The following C7 variants were observed in gnomAD, a reference collection of about 807,000 sequenced individuals.
C7 encodes complement C7.
A neutral mutation model predicts 104.8 loss-of-function variants in C7; 83 were observed. The ratio of observed to expected loss-of-function variants is 0.79; its 90% CI spans 0.66 to 0.95. The LOEUF (loss-of-function observed/expected upper bound fraction) is 0.95, where lower values mean the gene tolerates loss of function less well. Ranked by LOEUF, C7 falls within the 40% of genes least tolerant of loss-of-function variation. The pLI, the probability that C7 is intolerant of heterozygous loss-of-function variation, is 0.00. For missense variants in C7, 1,070 were observed against 1,011.2 expected (o/e 1.06, Z -0.79); for synonymous variants, 415 against 360.6 (o/e 1.15, Z -1.71).
intron 1 of C7, among the ~76,000 whole-genome samples, chr5:40,918,311 G>T (rs2111616376): frequency 6.6e-6 from 1 of 151,152 alleles, no homozygotes; most frequent in Admixed American, 6.6e-5. Flanking sequence ...AGTGAGCTGT[G>T]ATCACACTAC....
intron 7 of C7, among the ~76,000 whole-genome samples, chr5:40,946,343 A>C (rs60477055): frequency 0.022 from 3,278 of 152,302 alleles, 109 homozygotes; most frequent in African/African-American, 0.075. Context: ...TATTATTCAC[A>C]ATCTGCACAT....
At chr5:40,928,166 C>CA (rs1406233368) in intron 1 of C7, among the ~76,000 whole-genome samples, 12 of 152,220 alleles carry the variant, frequency 7.9e-5, no homozygotes, top group African/African-American at 2.9e-4. Context: ...CACAGGAAGA[C>CA]AAATAGCACG....
At chr5:40,950,854 G>A (rs1386882321) in intron 9 of C7, among the ~76,000 whole-genome samples, 4 of 152,120 alleles carry the variant, frequency 2.6e-5, no homozygotes, top group Admixed American at 6.6e-5. Context: ...GGAGATGGGG[G>A]GAAGGTGGTA....
At chr5:40,934,559 A>G in intron 4 of C7, 93 bp downstream of exon 4, 1 of 1,275,096 alleles carries the variant, frequency 7.8e-7, no homozygotes, top group Non-Finnish European at 1.1e-6. Flanking sequence ...ATTTTACTGA[A>G]TTTATATTGG....
chr5:40,968,600 A>AT lies in C7; in HGVS notation c.1882+3756dup, dbSNP rs70988826. Among the ~76,000 whole-genome samples, 52 of 25,476 alleles carry AT rather than the reference A, an allele frequency of 2.0e-3. 1 individual carries two copies. The highest frequency in any genetic ancestry group is 2.4e-3 in the African/African-American group (14 of 5,734). The allele number at this position is 25,476 out of a possible 152,430, so 16.7% of individuals were successfully genotyped here. On this transcript the variant is annotated intron_variant, in intron 14 of 17. Coordinates refer to ENST00000313164, the MANE Select transcript of C7 (RefSeq NM_000587.4). ...TATATATATATATATATATATATAT[A>AT]TTTTTTTTTTTTTTTTTTTTTTTTT...
At chr5:40,959,128 C>A (rs962140058) in intron 11 of C7, among the ~76,000 whole-genome samples, 2 of 152,166 alleles carry the variant, frequency 1.3e-5, no homozygotes, top group Admixed American at 6.5e-5. Flanking sequence ...AGAATGGTAA[C>A]ATTTCCTGCC....
chr5:40,958,489 C>T (rs1320068234), intron 11 of C7, among the ~76,000 whole-genome samples: 1 of 152,186 alleles, frequency 6.6e-6, no homozygotes, highest in Non-Finnish European at 1.5e-5. Flanking sequence ...CCCTCCACTT[C>T]CCATTCTCTA....
chr5:40,960,027 G>A (rs901615930), intron 12 of C7, among the ~76,000 whole-genome samples: 1 of 152,148 alleles, frequency 6.6e-6, no homozygotes, highest in African/African-American at 2.4e-5. Flanking sequence ...TGATTACTAA[G>A]CATTCATTAA....
rs180944829 is a variant in C7, at chr5:40,965,000, C to G, written c.1882+127C>G. Reference sequence around the variant, plus strand: ...CCTTTCCTGTAAGGCTGACATGATCCTGTTCAAGTTTTAGGAGCGACTTGA... The same window carrying G: ...CCTTTCCTGTAAGGCTGACATGATCGTGTTCAAGTTTTAGGAGCGACTTGA... On this transcript the variant is annotated intron_variant, in intron 14 of 17. Transcript: ENST00000313164. 448 of 1,102,152 alleles carry G rather than the reference C, an allele frequency of 4.1e-4. 1 individual carries two copies. The highest frequency in any genetic ancestry group is 5.4e-4 in the Non-Finnish European group (402 of 748,336). The allele number at this position is 1,102,152 out of a possible 1,614,324, so 68.3% of individuals were successfully genotyped here. A position where few individuals can be genotyped will look rare whatever the true frequency, so the allele number is the denominator to read the frequency against.
At position 40,936,320 on chromosome 5, in the gene C7, G is replaced by T. The variant is rs1739813413; in HGVS notation, c.281-18G>T. ...CTTCCCTCTTTTACATTTGCACGTG[G>T]ATTTCTCTGGTGTTCAGGTCAGTGC... On this transcript the variant is annotated intron_variant, in intron 4 of 17. Transcript: ENST00000313164. 1.9e-6 allele frequency: 3 copies of T among 1,612,404 alleles called. No homozygotes were observed. The South Asian group carries it at 3.3e-5, about 18-fold the overall frequency.
intron 1 of C7, among the ~76,000 whole-genome samples, chr5:40,916,127 A>G (rs1005573576): frequency 2.6e-5 from 4 of 152,230 alleles, no homozygotes; most frequent in East Asian, 1.9e-4. Flanking sequence ...AGGAAAATAT[A>G]TAATAGAAAC....
At chr5:40,945,872 ATACATATATATATATAT>A (rs1282312870) in intron 7 of C7, among the ~76,000 whole-genome samples, 3 of 59,424 alleles carry the variant, frequency 5.0e-5, no homozygotes, top group Admixed American at 2.3e-4. Flanking sequence ...TCAAAAAAAA[ATACATATATATATATAT>A]ATATATATAT....
chr5:40,949,526 G>GC (rs1740121134), intron 8 of C7, among the ~76,000 whole-genome samples: 1 of 152,136 alleles, frequency 6.6e-6, no homozygotes, highest in South Asian at 2.1e-4. Flanking sequence ...GGAAACAGAA[G>GC]CCAGCTTTGG....
chr5:40,984,604 G>T lies in C7; in HGVS notation c.*3031G>T, dbSNP rs577973147. On this transcript the variant is annotated 3_prime_UTR_variant, in exon 18 of 18. Transcript: ENST00000313164. ...CCAATTAGTAATCACTTTTTCTTTC[G>T]GTCAAGGTATGTGTATTAATCAATA... Among the ~76,000 whole-genome samples the T allele has an allele frequency of 6.6e-6, 1 of 152,018 alleles. No individual in the cohort carries two copies. Among genetic ancestry groups the T allele is most frequent in the Non-Finnish European group, 1.5e-5 (1 of 68,010 alleles).
chr5:40,971,966 A>AAAAT (rs1167617015), intron 14 of C7: 2 of 421,608 alleles, frequency 4.7e-6, no homozygotes, highest in Middle Eastern at 4.1e-4. Context: ...CTAAAAAATA[A>AAAAT]AAATAAATAA....
At chr5:40,919,234 C>T (rs1211993272) in intron 1 of C7, among the ~76,000 whole-genome samples, 1 of 151,860 alleles carries the variant, frequency 6.6e-6, no homozygotes, top group East Asian at 1.9e-4. Context: ...AGTGATTCTC[C>T]CACCTCATCC....
At chr5:40,978,682 T>A (rs1454051200) in intron 16 of C7, among the ~76,000 whole-genome samples, 1 of 152,154 alleles carries the variant, frequency 6.6e-6, no homozygotes, top group Non-Finnish European at 1.5e-5. Context: ...AGTGTGTGAA[T>A]ATAGACTCTT....
chr5:40,970,949 T>C (rs1561258698), intron 14 of C7, among the ~76,000 whole-genome samples: 1 of 152,194 alleles, frequency 6.6e-6, no homozygotes. Context: ...TATTCCATGG[T>C]GTATATGTGC....
intron 3 of C7, among the ~76,000 whole-genome samples, chr5:40,932,813 G>T (rs1739724002): frequency 6.6e-6 from 1 of 151,966 alleles, no homozygotes; most frequent in African/African-American, 2.4e-5. Context: ...TTGAGTGAAG[G>T]TCATTATGCA....
Sources: allele counts gnomAD v4.1 joint callset (sites outside exome capture counted in the v4.1 genomes callset), GRCh38; gene constraint gnomAD v4.1.1; transcripts MANE v1.5; gene names NCBI Gene and HGNC (gene_info 2026-07-23, HGNC 2026-07-21).